Variants in SDCCAG8 observed in about 807,000 individuals in gnomAD.
SDCCAG8 encodes the protein serologically defined colon cancer antigen 8.
SDCCAG8 carries 74 observed loss-of-function variants against 101.8 expected under a neutral mutation model. The ratio of observed to expected loss-of-function variants is 0.73; its 90% CI spans 0.60 to 0.88. SDCCAG8 has a LOEUF of 0.88. Ranked by LOEUF, SDCCAG8 falls within the 40% of genes least tolerant of loss-of-function variation. The pLI, the probability that SDCCAG8 is intolerant of heterozygous loss-of-function variation, is 0.00. For synonymous variants in SDCCAG8, 281 were observed against 292.9 expected, an observed-to-expected ratio of 0.96 and a Z score of 0.41; for missense variants, 787 against 822.6, an observed-to-expected ratio of 0.96 and a Z score of 0.53.
intron 11 of SDCCAG8, 27 bp from the exon 12 acceptor site, chr1:243,344,188 A>G (rs1412144427): frequency 1.3e-6 from 2 of 1,577,062 alleles, no homozygotes; most frequent in Non-Finnish European, 1.7e-6. Context: ...CCAGCAGGTA[A>G]TCATCCAGTT....
chr1:243,305,866 A>C (rs1164645862), intron 7 of SDCCAG8: 1 of 152,178 alleles, frequency 6.6e-6, no homozygotes, highest in Non-Finnish European at 1.5e-5. Flanking sequence ...AGGCGGGTGG[A>C]TCATTTGAGG....
chr1:243,325,418 T>C (rs1259969358), intron 9 of SDCCAG8, among the ~76,000 whole-genome samples: 2 of 151,952 alleles, frequency 1.3e-5, no homozygotes, highest in Non-Finnish European at 2.9e-5. Context: ...CCAGGTGGTA[T>C]ACATATTTTA....
At chr1:243,326,033 G>C (rs1317878487) in intron 9 of SDCCAG8, among the ~76,000 whole-genome samples, 2 of 152,020 alleles carry the variant, frequency 1.3e-5, no homozygotes, top group Non-Finnish European at 2.9e-5. Flanking sequence ...ATTGTTGAGA[G>C]GTATGTGTAA....
At chr1:243,409,643 C>T (rs2080030136) in intron 13 of SDCCAG8, among the ~76,000 whole-genome samples, 1 of 152,102 alleles carries the variant, frequency 6.6e-6, no homozygotes, top group African/African-American at 2.4e-5. Context: ...GCCACGTGAA[C>T]AATAGAGACA....
At chr1:243,310,009 G>T (rs186001984) in intron 8 of SDCCAG8, among the ~76,000 whole-genome samples, 8 of 151,894 alleles carry the variant, frequency 5.3e-5, no homozygotes, top group African/African-American at 1.9e-4. Context: ...GACTATAGGC[G>T]CCCACCACCA....
chr1:243,381,505 C>G (rs1417934078), intron 13 of SDCCAG8, among the ~76,000 whole-genome samples: 2 of 152,020 alleles, frequency 1.3e-5, no homozygotes, highest in Non-Finnish European at 2.9e-5. Flanking sequence ...TGGAGGATCA[C>G]TTGAACTCTG....
intron 16 of SDCCAG8, among the ~76,000 whole-genome samples, chr1:243,429,998 A>G (rs1335212405): frequency 6.6e-6 from 1 of 151,882 alleles, no homozygotes; most frequent in African/African-American, 2.4e-5. Flanking sequence ...TGCCTGGCCT[A>G]ATTTTTAAAA....
At chr1:243,380,967 CA>C in intron 13 of SDCCAG8, among the ~76,000 whole-genome samples, 1 of 151,824 alleles carries the variant, frequency 6.6e-6, no homozygotes, top group East Asian at 1.9e-4. Flanking sequence ...TGAAGTTTGC[CA>C]CCCCTCACCA....
At chr1:243,483,746 C>G (rs1486482842) in intron 16 of SDCCAG8, among the ~76,000 whole-genome samples, 1 of 152,196 alleles carries the variant, frequency 6.6e-6, no homozygotes, top group Non-Finnish European at 1.5e-5. Flanking sequence ...CCTCCGTCTC[C>G]CAGTTTTCCT....
intron 1 of SDCCAG8, chr1:243,268,996 A>C (rs953791468): frequency 2.0e-5 from 3 of 152,240 alleles, no homozygotes; most frequent in Non-Finnish European, 2.9e-5. Flanking sequence ...AGAGTGGGGC[A>C]GCGGGGTGCA....
intron 13 of SDCCAG8, among the ~76,000 whole-genome samples, chr1:243,393,618 T>A (rs891965104): frequency 2.0e-5 from 3 of 152,182 alleles, no homozygotes; most frequent in African/African-American, 7.2e-5. Flanking sequence ...AGTTTTCAGT[T>A]CCAGCTACCA....
At chr1:243,296,551 T>TTTTTTTTTTG (rs2070909514) in intron 6 of SDCCAG8, among the ~76,000 whole-genome samples, 1 of 134,256 alleles carries the variant, frequency 7.4e-6, no homozygotes, top group Non-Finnish European at 1.6e-5. Flanking sequence ...TTTTTTTTTT[T>TTTTTTTTTTG]TTTTTTTTTG....
At chr1:243,271,097 T>A in intron 3 of SDCCAG8, 34 bp downstream of exon 3, 1 of 1,437,268 alleles carries the variant, frequency 7.0e-7, no homozygotes, top group Non-Finnish European at 9.8e-7. Flanking sequence ...GACAAAGCAT[T>A]CCTGTGTTTT....
chr1:243,469,263 C>CT (rs111324247), intron 16 of SDCCAG8, among the ~76,000 whole-genome samples: 4,985 of 152,150 alleles, frequency 0.033, 263 homozygotes, highest in African/African-American at 0.11. Flanking sequence ...CCATGGCATG[C>CT]TTTTTTTGTT....
At chr1:243,267,813 T>C in intron 1 of SDCCAG8, 1 of 842,600 alleles carries the variant, frequency 1.2e-6, no homozygotes, top group Non-Finnish European at 2.1e-6. Flanking sequence ...ACACAATCAG[T>C]TATACAAGGG....
chr1:243,498,105 G>A (rs1219292820), intron 17 of SDCCAG8, among the ~76,000 whole-genome samples: 2 of 152,214 alleles, frequency 1.3e-5, no homozygotes, highest in Non-Finnish European at 2.9e-5. Context: ...CCTGCCTTAT[G>A]TGGCCAATCC....
chr1:243,314,559 A>T (rs1323103221), intron 8 of SDCCAG8, among the ~76,000 whole-genome samples: 1 of 152,202 alleles, frequency 6.6e-6, no homozygotes, highest in Non-Finnish European at 1.5e-5. Flanking sequence ...TCTGTTGAGC[A>T]TCTACTGTGT....
At chr1:243,440,936 A>G (rs115151123) in intron 16 of SDCCAG8, among the ~76,000 whole-genome samples, 5 of 152,168 alleles carry the variant, frequency 3.3e-5, no homozygotes, top group Admixed American at 6.5e-5. Context: ...TTGATGATCT[A>G]TTCCTGGTGA....
chr1:243,418,925 C>T (rs1392545701), intron 15 of SDCCAG8, among the ~76,000 whole-genome samples: 1 of 152,040 alleles, frequency 6.6e-6, no homozygotes, highest in Non-Finnish European at 1.5e-5. Flanking sequence ...GTCTTCTTTT[C>T]TGCATTTTTC....
Sources: allele counts gnomAD v4.1 joint callset (sites outside exome capture counted in the v4.1 genomes callset), GRCh38; gene constraint gnomAD v4.1.1; transcripts MANE v1.5; gene names NCBI Gene and HGNC (gene_info 2026-07-23, HGNC 2026-07-21).